Variants in EHBP1 observed in about 807,000 individuals in gnomAD.
EHBP1 encodes EH domain binding protein 1.
In EHBP1, 55 loss-of-function variants were observed where a neutral mutation model predicts 144.0. That is an observed-to-expected ratio of 0.38 (90% CI 0.31 to 0.48). The LOEUF (loss-of-function observed/expected upper bound fraction) is 0.48, where lower values mean the gene tolerates loss of function less well. Among genes scored for constraint, EHBP1 ranks in the 20% least tolerant of loss-of-function variants. The pLI is 0.98. For missense variants in EHBP1, 1,200 were observed against 1,364.2 expected, an observed-to-expected ratio of 0.88 and a Z score of 1.90; for synonymous variants, 469 against 472.7, an observed-to-expected ratio of 0.99 and a Z score of 0.10.
At chr2:63,032,456 T>C (rs1415409097) in intron 19 of EHBP1, among the ~76,000 whole-genome samples, 1 of 148,074 alleles carries the variant, frequency 6.8e-6, no homozygotes, top group Non-Finnish European at 1.5e-5. Flanking sequence ...TAGTCCCAGC[T>C]ACTTGGAGGC....
chr2:62,895,465 C>A (rs1260215887), intron 10 of EHBP1, among the ~76,000 whole-genome samples: 1 of 152,148 alleles, frequency 6.6e-6, no homozygotes, highest in Non-Finnish European at 1.5e-5. Context: ...GTTACTGATA[C>A]TTTTGGCATT....
intron 14 of EHBP1, 172 bp downstream of exon 14, chr2:62,955,832 A>G: frequency 1.7e-6 from 1 of 591,304 alleles, no homozygotes; most frequent in Non-Finnish European, 2.7e-6. Flanking sequence ...GGACCATTTG[A>G]TCATTATTCC....
At chr2:62,877,314 A>G (rs1167167484) in intron 10 of EHBP1, among the ~76,000 whole-genome samples, 6 of 152,216 alleles carry the variant, frequency 3.9e-5, no homozygotes, top group Non-Finnish European at 8.8e-5. Flanking sequence ...TAGCTATCCT[A>G]AATAATATGC....
In EHBP1 at chr2:62,881,525, A is replaced by G. The variant is rs570623189; in HGVS notation, c.1185+6993A>G. Among the ~76,000 whole-genome samples, 14 of 152,214 alleles carry G rather than the reference A, an allele frequency of 9.2e-5. No homozygotes were observed. In the South Asian group the frequency reaches 2.3e-3, roughly 25 times the overall value. ...AAAGGAAACTCTAAAGCAGCTAGGC[A>G]TAAGAGACAGCTTTATACAAATATA... On this transcript the variant is annotated intron_variant, in intron 10 of 22. Coordinates refer to ENST00000431489, the MANE Select transcript of EHBP1 (RefSeq NM_001142616.3).
Position 62,948,337 on chromosome 2 carries a change from T to C in EHBP1, c.1491T>C (p.Asp497=). Residue 497 remains aspartate, a synonymous_variant, in exon 13 of 23, where the codon GAT becomes GAC. Coordinates refer to ENST00000431489, the MANE Select transcript of EHBP1 (RefSeq NM_001142616.3). ...PSDMVLLAIP[D]KLTVMTYLYQ... ...ATATGGTATTATTAGCAATTCCTGA[T>C]AAACTGACTGTTATGACTTATCTCT... 1 of 1,612,114 alleles carries C rather than the reference T, an allele frequency of 6.2e-7. No individual in the cohort carries two copies. The highest frequency in any genetic ancestry group is 8.5e-7 in the Non-Finnish European group (1 of 1,179,294).
At chr2:63,042,502 T>C (rs1411198818) in intron 21 of EHBP1, among the ~76,000 whole-genome samples, 1 of 152,072 alleles carries the variant, frequency 6.6e-6, no homozygotes, top group Non-Finnish European at 1.5e-5. Context: ...ATTTAATATT[T>C]TAAAAACCTA....
At chr2:62,806,757 C>CT (rs774635082) in intron 5 of EHBP1, among the ~76,000 whole-genome samples, 1 of 151,256 alleles carries the variant, frequency 6.6e-6, no homozygotes, top group Non-Finnish European at 1.5e-5. Context: ...TTTAGTTTGG[C>CT]TTTTAGTTCC....
At chr2:62,754,854 G>T (rs1327967726) in intron 3 of EHBP1, among the ~76,000 whole-genome samples, 2 of 152,296 alleles carry the variant, frequency 1.3e-5, no homozygotes, top group Non-Finnish European at 2.9e-5. Flanking sequence ...GTATGAGGGT[G>T]GGAGTGACCC....
intron 10 of EHBP1, among the ~76,000 whole-genome samples, chr2:62,889,784 G>T (rs958033212): frequency 6.6e-6 from 1 of 151,794 alleles, no homozygotes; most frequent in African/African-American, 2.4e-5. Flanking sequence ...TATCTATTCT[G>T]TGTCTATTTT....
In EHBP1 at chr2:62,849,668, A is replaced by G. The variant is rs369875886; in HGVS notation, c.635-9501A>G. On this transcript the variant is annotated intron_variant, in intron 7 of 22. Coordinates refer to ENST00000431489, the MANE Select transcript of EHBP1 (RefSeq NM_001142616.3). The stretch of plus-strand genomic sequence containing the variant: ...ATATTTTATATCCTCCTGCCTTTAT[A>G]AGATGATGCAAAGTATTATGACTCA... 3.6e-4 allele frequency among the ~76,000 whole-genome samples: 55 copies of G among 152,332 alleles called. 1 individual carries two copies. Among genetic ancestry groups the G allele is most frequent in the Admixed American group, 2.1e-3 (32 of 15,298 alleles).
rs1466426713 is a variant in EHBP1, at chr2:62,826,248, T to C, written c.474T>C (p.Phe158=). Residue 158 remains phenylalanine, a synonymous_variant, in exon 6 of 23, where the codon TTT becomes TTC. Coordinates refer to ENST00000431489, the MANE Select transcript of EHBP1 (RefSeq NM_001142616.3). The stretch of plus-strand genomic sequence containing the variant: ...TTCAGTTTTCATTATCTTGCATTTT[T>C]CTGAGGGAAGGAAAAGCCACGTAAG... The part of the protein sequence containing the change: ...AALQFSLSCI[F]LREGKATDED... 2 of 1,601,528 alleles carry C rather than the reference T, an allele frequency of 1.2e-6. No homozygotes were observed. The highest frequency in any genetic ancestry group is 1.7e-6 in the Non-Finnish European group (2 of 1,176,262).
chr2:62,903,027 G>A lies in EHBP1; in HGVS notation c.1185+28495G>A, dbSNP rs2053535797. 2.0e-5 allele frequency among the ~76,000 whole-genome samples: 3 copies of A among 152,260 alleles called. No individual in the cohort carries two copies. In the East Asian group the frequency reaches 5.8e-4, roughly 29 times the overall value. ...GCTATTATTAGCTCACTTGCTAAGT[G>A]AGCTCTTGTAGTATGCGGTAATGAA... On this transcript the variant is annotated intron_variant, in intron 10 of 22. Transcript: ENST00000431489.
chr2:62,703,653 A>C (rs779619113), upstream of EHBP1, among the ~76,000 whole-genome samples: 5 of 152,220 alleles, frequency 3.3e-5, no homozygotes, highest in Admixed American at 1.3e-4. Context: ...GTTTACATCC[A>C]AGACAAATAT....
intron 19 of EHBP1, among the ~76,000 whole-genome samples, chr2:63,017,804 T>G (rs1168533962): frequency 2.0e-5 from 3 of 152,224 alleles, no homozygotes; most frequent in African/African-American, 7.2e-5. Context: ...GGCATTTGAT[T>G]ATTGGGAATA....
intron 1 of EHBP1, chr2:62,674,128 C>G (rs1326758006): frequency 6.4e-6 from 3 of 471,100 alleles, no homozygotes; most frequent in Non-Finnish European, 1.3e-5. Context: ...GTTCTAGAAG[C>G]ATCCCCAAAT....
At chr2:62,675,808 T>C (rs569407333) in intron 1 of EHBP1, among the ~76,000 whole-genome samples, 77 of 152,314 alleles carry the variant, frequency 5.1e-4, no homozygotes, top group Admixed American at 2.3e-3. Context: ...ACGGGAGTGC[T>C]GTGGTGCAAT....
chr2:62,826,120 A>G lies in EHBP1; in HGVS notation c.346A>G (p.Thr116Ala). The G allele has an allele frequency of 2.0e-6, 3 of 1,534,762 alleles. No individual in the cohort carries two copies. The highest frequency in any genetic ancestry group is 1.3e-5 in the South Asian group (1 of 76,018). ...SPSGRRKALA[T>A]SSINMKQYAS... ...TTCTGGTCGAAGGAAAGCTCTTGCT[A>G]CTAGCAGCATCAATATGAAACAGTA... Residue 116 changes from threonine (T) to alanine (A), a missense_variant, in exon 6 of 23, where the codon ACT becomes GCT. By Grantham distance (58) the Thr-to-Ala change is moderately conservative. This residue lies in a region of EHBP1 where 137 missense variants were observed against 190.1 expected (regional missense o/e 0.72). Coordinates refer to ENST00000431489, the MANE Select transcript of EHBP1 (RefSeq NM_001142616.3).
At chr2:62,912,869 G>C (rs1465015172) in intron 10 of EHBP1, among the ~76,000 whole-genome samples, 1 of 152,012 alleles carries the variant, frequency 6.6e-6, no homozygotes, top group Non-Finnish European at 1.5e-5. Flanking sequence ...AGAAGAATAG[G>C]GTATGCATAT....
chr2:62,833,658 G>A (rs778675206), intron 7 of EHBP1, among the ~76,000 whole-genome samples: 7 of 152,228 alleles, frequency 4.6e-5, no homozygotes, highest in Non-Finnish European at 1.0e-4. Flanking sequence ...CTCATTGACA[G>A]CGTACCTGGT....
Sources: gnomAD v4.1 joint callset for allele counts (sites outside exome capture counted in the v4.1 genomes callset) on GRCh38, gnomAD v4.1.1 for gene constraint, gnomAD v4.1.1 regional missense constraint, MANE v1.5 for transcripts, NCBI Gene and HGNC (gene_info 2026-07-23, HGNC 2026-07-21) for gene names.